The following ARHGEF16 variants were observed in gnomAD, a reference collection of about 807,000 sequenced individuals.
ARHGEF16 encodes Rho guanine nucleotide exchange factor 16.
A neutral mutation model predicts 74.1 loss-of-function variants in ARHGEF16; 59 were observed. That is an observed-to-expected ratio of 0.80 (90% CI 0.65 to 0.99). ARHGEF16 has a LOEUF of 0.99. Among genes scored for constraint, ARHGEF16 ranks in the 50% least tolerant of loss-of-function variants. ARHGEF16 has a pLI of 0.00. For synonymous variants in ARHGEF16, 415 were observed against 412.6 expected, an observed-to-expected ratio of 1.01 and a Z score of -0.07; for missense variants, 948 against 986.6, an observed-to-expected ratio of 0.96 and a Z score of 0.52.
chr1:3,477,645 G>C (rs898539308), intron 10 of ARHGEF16, among the ~76,000 whole-genome samples: 1 of 47,054 alleles, frequency 2.1e-5, no homozygotes, highest in Admixed American at 2.7e-4. Flanking sequence ...CTGGGCTATC[G>C]GGCAGGGTCT....
intron 11 of ARHGEF16, 64 bp from the exon 12 acceptor site, chr1:3,478,360 G>A: frequency 1.3e-6 from 2 of 1,501,400 alleles, no homozygotes; most frequent in Non-Finnish European, 1.8e-6. Flanking sequence ...ACCTGGACGG[G>A]AGCCCAGCAG....
chr1:3,470,059 T>A (rs947426147), intron 6 of ARHGEF16, among the ~76,000 whole-genome samples: 3 of 152,140 alleles, frequency 2.0e-5, no homozygotes, highest in Non-Finnish European at 4.4e-5. Flanking sequence ...AGGCTGGACA[T>A]GCAGCTGCAG....
intron 2 of ARHGEF16, among the ~76,000 whole-genome samples, chr1:3,464,305 G>A (rs1357343392): frequency 6.6e-6 from 1 of 152,196 alleles, no homozygotes; most frequent in Non-Finnish European, 1.5e-5. Context: ...TGGGCCCAGT[G>A]TCCCTCATCC....
At chr1:3,458,657 A>G (rs988664185) in intron 1 of ARHGEF16, among the ~76,000 whole-genome samples, 2 of 152,222 alleles carry the variant, frequency 1.3e-5, no homozygotes, top group Non-Finnish European at 2.9e-5. Context: ...AGCAGAAACA[A>G]TCAACCACCA....
Position 3,473,094 on chromosome 1 carries a change from G to A in ARHGEF16, c.1039G>A (p.Glu347Lys). 1 of 1,613,116 alleles carries A rather than the reference G, an allele frequency of 6.2e-7. No homozygotes were observed. The highest frequency in any genetic ancestry group is 8.5e-7 in the Non-Finnish European group (1 of 1,179,854). The change falls in exon 7 of 15, where the codon GAG becomes AAG. Residue 347 changes from glutamate to lysine, a missense_variant. Physicochemically the swap from Glu to Lys is moderately conservative, Grantham distance 56. Coordinates refer to ENST00000378378, the MANE Select transcript of ARHGEF16 (RefSeq NM_014448.4). Reference sequence around the variant, plus strand: ...TGCCTTCAGGTTCTTCGAGGACCTGGAGCAGCGGCACAAGGCCCAGGTGCT... The same window carrying A: ...TGCCTTCAGGTTCTTCGAGGACCTGAAGCAGCGGCACAAGGCCCAGGTGCT... The part of the protein sequence containing the change: ...GASQRFFEDL[E>K]QRHKAQVLVE...
intron 5 of ARHGEF16, 150 bp downstream of exon 5, chr1:3,469,086 A>C (rs1639631236): frequency 1.9e-6 from 2 of 1,027,918 alleles, no homozygotes; most frequent in Non-Finnish European, 2.9e-6. Context: ...CGCCTCACAC[A>C]GCCCCGGGCT....
At chr1:3,458,132 G>A (rs1639307047) in intron 1 of ARHGEF16, among the ~76,000 whole-genome samples, 1 of 152,242 alleles carries the variant, frequency 6.6e-6, no homozygotes, top group Admixed American at 6.5e-5. Flanking sequence ...TGCCGAGGCA[G>A]GCATTTGCTC....
In ARHGEF16 at chr1:3,469,477, C is replaced by A. The variant is rs753853992; in HGVS notation, c.906C>A (p.Ser302Arg). The change falls in exon 6 of 15, where the codon AGC (serine) becomes AGA (arginine). Residue 302 changes from serine (S) to arginine (R), a missense_variant. By Grantham distance (110) the Ser-to-Arg change is moderately radical (BLOSUM62 -1). Coordinates refer to ENST00000378378, the MANE Select transcript of ARHGEF16 (RefSeq NM_014448.4). Reference protein sequence around the residue: ...ILTSEFSYQHSLSILVEEFLQ... With the variant: ...ILTSEFSYQHRLSILVEEFLQ... ...CGTCGGAGTTCTCCTACCAGCACAGCCTGAGCATCCTGGTGGAGGAGTTCC... is the reference window on the plus strand; with the variant it reads ...CGTCGGAGTTCTCCTACCAGCACAGACTGAGCATCCTGGTGGAGGAGTTCC... The A allele has an allele frequency of 3.1e-6, 5 of 1,613,154 alleles. No homozygotes were observed. In the South Asian group the frequency reaches 5.5e-5, roughly 18 times the overall value.
chr1:3,473,441 G>A lies in ARHGEF16; in HGVS notation c.1224G>A (p.Arg408=), dbSNP rs1433795890. 4 of 1,612,462 alleles carry A rather than the reference G, an allele frequency of 2.5e-6. No individual in the cohort carries two copies. Among genetic ancestry groups the A allele is most frequent in the East Asian group, 2.2e-5 (1 of 44,862 alleles). ...AGGCCCTGAGAGAGATTGAGAGGCG[G>A]CCGGCGTGCGGGGGCCTGCCCATGC... ...FREALREIER[R]PACGGLPMLS... Residue 408 remains arginine (R), a synonymous_variant, in exon 8 of 15, where the codon CGG becomes CGA. Coordinates refer to ENST00000378378, the MANE Select transcript of ARHGEF16 (RefSeq NM_014448.4).
chr1:3,473,726 G>C, intron 8 of ARHGEF16: 2 of 852,474 alleles, frequency 2.3e-6, no homozygotes, highest in Non-Finnish European at 3.6e-6. Flanking sequence ...ACTGTGCCGG[G>C]AACTGTTCCA....
Position 3,471,566 on chromosome 1 carries a change from G to A in ARHGEF16, c.1023-1512G>A, listed in dbSNP as rs190205464. On this transcript the variant is annotated intron_variant, in intron 6 of 14. Coordinates refer to ENST00000378378, the MANE Select transcript of ARHGEF16 (RefSeq NM_014448.4). ...GGGAGGGGGAGGGGTCTGGGATAGC[G>A]GCTGCCCCTCCCCCAGCTCTGCCCC... 246 of 1,004,878 alleles carry A rather than the reference G, an allele frequency of 2.4e-4. 4 individuals are homozygous for A. In the East Asian group the frequency reaches 0.022, roughly 89 times the overall value. The allele number at this position is 1,004,878 out of a possible 1,614,324, so 62.2% of individuals were successfully genotyped here. A position where few individuals can be genotyped will look rare whatever the true frequency, so the allele number is the denominator to read the frequency against.
At chr1:3,471,234 A>G (rs1373766732) in intron 6 of ARHGEF16, among the ~76,000 whole-genome samples, 1 of 152,036 alleles carries the variant, frequency 6.6e-6, no homozygotes, top group African/African-American at 2.4e-5. Context: ...CTCAGCCTCA[A>G]TGCTAACCTG....
intron 6 of ARHGEF16, chr1:3,471,521 T>C (rs1639721876): frequency 3.3e-6 from 2 of 606,690 alleles, no homozygotes; most frequent in Admixed American, 1.2e-4. Context: ...AACCTCTGAC[T>C]CAGCATGGGA....
chr1:3,478,002 T>C lies in ARHGEF16; in HGVS notation c.1601T>C (p.Val534Ala). The C allele has an allele frequency of 1.2e-6, 2 of 1,612,716 alleles. No individual in the cohort carries two copies. Among genetic ancestry groups the C allele is most frequent in the Non-Finnish European group, 1.7e-6 (2 of 1,179,900 alleles). The stretch of plus-strand genomic sequence containing the variant: ...TGCTACCTTTTCCTGTTCAACGATG[T>C]CCTGGTTGTGACCAAGAAGAAGAGG... ...PTCYLFLFND[V>A]LVVTKKKSEE... Residue 534 changes from valine to alanine, a missense_variant, in exon 11 of 15, where the codon GTC (valine) becomes GCC (alanine). Val to Ala is a moderately conservative substitution (Grantham distance 64). Transcript: ENST00000378378.
At position 3,478,425 on chromosome 1, in the gene ARHGEF16, G is replaced by A. The variant is rs1229060465; in HGVS notation, c.1627G>A (p.Glu543Lys). 2.5e-6 allele frequency: 4 copies of A among 1,592,262 alleles called. No individual in the cohort carries two copies. The highest frequency in any genetic ancestry group is 3.4e-6 in the Non-Finnish European group (4 of 1,164,912). ...DVLVVTKKKS[E>K]ESYMVQDYAQ... ...CACCGACTGCCCGTGTCTCCACAGC[G>A]AGGAGAGCTACATGGTCCAGGACTA... The change falls in exon 12 of 15, where the codon GAG becomes AAG. Residue 543 changes from glutamate (E) to lysine (K), a missense_variant and splice_region_variant. Physicochemically the swap from Glu to Lys is moderately conservative, Grantham distance 56. Transcript: ENST00000378378.
chr1:3,467,154 C>A lies in ARHGEF16; in HGVS notation c.635-14C>A, dbSNP rs1240743632. 6.5e-7 allele frequency: 1 copy of A among 1,547,928 alleles called. No individual in the cohort carries two copies. Among genetic ancestry groups the A allele is most frequent in the South Asian group, 1.2e-5 (1 of 83,900 alleles). ...ATCCCCCAGGGCCACAGGTTACCCTCCTTCTCTCTCTAGACCCCCAGCTCT... is the reference window on the plus strand; with the variant it reads ...ATCCCCCAGGGCCACAGGTTACCCTACTTCTCTCTCTAGACCCCCAGCTCT... On this transcript the variant is annotated splice_polypyrimidine_tract_variant and intron_variant, in intron 3 of 14. Coordinates refer to ENST00000378378, the MANE Select transcript of ARHGEF16 (RefSeq NM_014448.4).
At chr1:3,478,357 C>T (rs565332679) in intron 11 of ARHGEF16, 67 bp from the exon 12 acceptor site, 10 of 1,502,948 alleles carry the variant, frequency 6.7e-6, no homozygotes, top group African/African-American at 2.8e-5. Context: ...GGGACCTGGA[C>T]GGGAGCCCAG....
Position 3,467,283 on chromosome 1 carries a change from C to A in ARHGEF16, c.750C>A (p.Thr250=). ...SPEGTQKVDA[T]IVVKSYRPAQ... Reference sequence around the variant, plus strand: ...AGGGAACCCAGAAGGTGGACGCCACCATTGTGGTCAAGAGCTACCGGCCCG... The same window carrying A: ...AGGGAACCCAGAAGGTGGACGCCACAATTGTGGTCAAGAGCTACCGGCCCG... The change falls in exon 4 of 15, where the codon ACC becomes ACA. Residue 250 remains threonine (T), a synonymous_variant. Transcript: ENST00000378378. 6.5e-7 allele frequency: 1 copy of A among 1,550,358 alleles called. No homozygotes were observed. The highest frequency in any genetic ancestry group is 8.7e-7 in the Non-Finnish European group (1 of 1,146,876).
rs181562444 is a variant in ARHGEF16, at chr1:3,480,318, G to T, written c.1991-130G>T. 15 of 1,353,746 alleles carry T rather than the reference G, an allele frequency of 1.1e-5. No homozygotes were observed. The East Asian group carries it at 3.1e-4, about 28-fold the overall frequency. The allele number at this position is 1,353,746 out of a possible 1,614,324, so 83.9% of individuals were successfully genotyped here. On this transcript the variant is annotated intron_variant, in intron 14 of 14. Transcript: ENST00000378378. ...ATGAGCAAGGCCTCAGCAGCTGTCT[G>T]CTCTGAGCAGGAGCAGGTGGTCAGT...
Sources: gnomAD v4.1 joint callset for allele counts (sites outside exome capture counted in the v4.1 genomes callset) on GRCh38, gnomAD v4.1.1 for gene constraint, MANE v1.5 for transcripts, NCBI Gene and HGNC (gene_info 2026-07-23, HGNC 2026-07-21) for gene names.